Variants in PRKG1 observed in about 807,000 individuals in gnomAD.
PRKG1 encodes the protein cGMP-dependent protein kinase 1.
PRKG1 carries 35 observed loss-of-function variants against 88.1 expected under a neutral mutation model. The observed-to-expected ratio is 0.40, with a 90% confidence interval of 0.30 to 0.53. PRKG1 has a LOEUF of 0.53. PRKG1 is among the 20% of genes least tolerant of loss of function. The pLI is 0.59. For synonymous variants in PRKG1, 303 were observed against 292.5 expected, an observed-to-expected ratio of 1.04 and a Z score of -0.37; for missense variants, 540 against 839.8, an observed-to-expected ratio of 0.64 and a Z score of 4.41.
At chr10:51,111,723 T>C (rs1844983823) in intron 1 of PRKG1, among the ~76,000 whole-genome samples, 1 of 152,200 alleles carries the variant, frequency 6.6e-6, no homozygotes, top group Non-Finnish European at 1.5e-5. Flanking sequence ...AATTCTTTGT[T>C]TGATTCATTC....
At chr10:52,213,018 A>G (rs1840020175) in intron 9 of PRKG1, among the ~76,000 whole-genome samples, 5 of 152,272 alleles carry the variant, frequency 3.3e-5, no homozygotes, top group Admixed American at 3.3e-4. Context: ...TGCGTACATG[A>G]ATGTTTACAC....
At chr10:51,790,373 AT>A (rs1838839487) in intron 3 of PRKG1, among the ~76,000 whole-genome samples, 1 of 152,154 alleles carries the variant, frequency 6.6e-6, no homozygotes, top group Admixed American at 6.6e-5. Flanking sequence ...AATGGATTAT[AT>A]TTTAGGTGTC....
intron 4 of PRKG1, among the ~76,000 whole-genome samples, chr10:51,894,652 C>A (rs1476739685): frequency 1.3e-5 from 2 of 152,140 alleles, no homozygotes; most frequent in South Asian, 2.1e-4. Context: ...GGTTCGGAAA[C>A]AACTGGCCCA....
At chr10:51,007,822 G>A (rs563987301) in intron 1 of PRKG1, among the ~76,000 whole-genome samples, 1 of 152,326 alleles carries the variant, frequency 6.6e-6, no homozygotes, top group South Asian at 2.1e-4. Flanking sequence ...TAATGGGAAA[G>A]TAGGAAATAC....
At chr10:51,834,008 T>C (rs927344806) in intron 4 of PRKG1, among the ~76,000 whole-genome samples, 9 of 152,218 alleles carry the variant, frequency 5.9e-5, no homozygotes, top group African/African-American at 2.2e-4. Flanking sequence ...TCTAGGTTCA[T>C]TCAGGTCATC....
At chr10:52,229,046 G>T (rs1564524051) in intron 9 of PRKG1, among the ~76,000 whole-genome samples, 2 of 152,014 alleles carry the variant, frequency 1.3e-5, no homozygotes, top group East Asian at 3.9e-4. Context: ...TTGCAAATAT[G>T]CTTTGATGGA....
chr10:51,818,869 T>C (rs1320425094), intron 4 of PRKG1, among the ~76,000 whole-genome samples: 1 of 128,880 alleles, frequency 7.8e-6, no homozygotes, highest in Non-Finnish European at 1.5e-5. Flanking sequence ...TAGCCGGGCG[T>C]AGTGGTGGGC....
In PRKG1 at chr10:52,054,505, T is replaced by C. The variant is rs754729841; in HGVS notation, c.784T>C (p.Tyr262His). The change falls in exon 6 of 18, where the codon TAT becomes CAT. Residue 262 changes from tyrosine to histidine, a missense_variant. Around this residue, in one of 5 missense-constraint regions of PRKG1, gnomAD observed 400 missense variants for 562.7 expected, o/e 0.71. Transcript: ENST00000373980. Reference protein sequence around the residue: ...LEETHYENGEYIIRQGARGDT... With the variant: ...LEETHYENGEHIIRQGARGDT... Reference sequence around the variant, plus strand: ...TCAGACCCACTATGAAAATGGAGAATATATTATCAGGCAAGGTGCAAGAGG... The same window carrying C: ...TCAGACCCACTATGAAAATGGAGAACATATTATCAGGCAAGGTGCAAGAGG... The C allele has an allele frequency of 5.6e-6, 9 of 1,613,744 alleles. No homozygotes were observed. The highest frequency in any genetic ancestry group is 6.8e-6 in the Non-Finnish European group (8 of 1,179,782).
chr10:51,396,363 C>T (rs1837576405), intron 2 of PRKG1, among the ~76,000 whole-genome samples: 2 of 151,304 alleles, frequency 1.3e-5, no homozygotes, highest in South Asian at 4.2e-4. Context: ...AACTACATTC[C>T]AGCTTGGGCA....
In PRKG1 at chr10:51,531,080, A is replaced by C. The variant is rs966636755; in HGVS notation, c.592+63244A>C. ...GAAAAACATAGGTTAATAGCACAAA[A>C]TTGAAACCTCCATAATGGTTTTCAA... On this transcript the variant is annotated intron_variant, in intron 3 of 17. Transcript: ENST00000373980. 1.6e-4 allele frequency among the ~76,000 whole-genome samples: 24 copies of C among 152,302 alleles called. 1 individual carries two copies. Among genetic ancestry groups the C allele is most frequent in the East Asian group, 9.7e-4 (5 of 5,178 alleles).
At chr10:52,134,471 T>G (rs1053441077) in intron 8 of PRKG1, among the ~76,000 whole-genome samples, 4 of 152,126 alleles carry the variant, frequency 2.6e-5, no homozygotes, top group Non-Finnish European at 5.9e-5. Flanking sequence ...GTTTCTTCTC[T>G]CAGTTCTGGC....
chr10:51,506,143 C>A (rs1462030387), intron 3 of PRKG1, among the ~76,000 whole-genome samples: 1 of 152,076 alleles, frequency 6.6e-6, no homozygotes, highest in Non-Finnish European at 1.5e-5. Context: ...ACACCTTATA[C>A]AAAAATTAAT....
intron 3 of PRKG1, among the ~76,000 whole-genome samples, chr10:51,517,996 A>G (rs138953274): frequency 1.1e-4 from 16 of 152,164 alleles, no homozygotes; most frequent in Admixed American, 7.2e-4. Context: ...ACTTAACAGG[A>G]CCTGGAATCT....
chr10:51,960,165 A>G (rs1433537521), intron 5 of PRKG1, among the ~76,000 whole-genome samples: 2 of 151,808 alleles, frequency 1.3e-5, no homozygotes, highest in Non-Finnish European at 2.9e-5. Context: ...ACAAACAAAA[A>G]CATTGAAAAG....
intron 2 of PRKG1, among the ~76,000 whole-genome samples, chr10:51,365,211 T>TATC: frequency 6.6e-6 from 1 of 151,986 alleles, no homozygotes; most frequent in Non-Finnish European, 1.5e-5. Flanking sequence ...CTGTTGTCAC[T>TATC]ATCATCATCA....
chr10:51,959,412 T>C (rs1903955), intron 5 of PRKG1, among the ~76,000 whole-genome samples: 33,406 of 152,020 alleles, frequency 0.22, 4,222 homozygotes, highest in Admixed American at 0.29. Flanking sequence ...CTAATAATAT[T>C]GAGTACTGCT....
chr10:51,875,250 C>T (rs564883764), intron 4 of PRKG1, among the ~76,000 whole-genome samples: 31 of 151,612 alleles, frequency 2.0e-4, no homozygotes, highest in African/African-American at 4.4e-4. Flanking sequence ...TGGACAAATG[C>T]GCTTTATTAG....
chr10:51,395,327 T>C (rs996733988), intron 2 of PRKG1, among the ~76,000 whole-genome samples: 1 of 152,254 alleles, frequency 6.6e-6, no homozygotes, highest in Non-Finnish European at 1.5e-5. Context: ...CCTCATTGTC[T>C]AGGTTATTTC....
chr10:51,789,339 C>G (rs112997906), intron 3 of PRKG1, among the ~76,000 whole-genome samples: 135 of 152,296 alleles, frequency 8.9e-4, no homozygotes, highest in African/African-American at 3.1e-3. Context: ...TTGCCACAAA[C>G]TCTATCTCAG....
Sources: gnomAD v4.1 joint callset for allele counts (sites outside exome capture counted in the v4.1 genomes callset) on GRCh38, gnomAD v4.1.1 for gene constraint, gnomAD v4.1.1 regional missense constraint, MANE v1.5 for transcripts, NCBI Gene and HGNC (gene_info 2026-07-23, HGNC 2026-07-21) for gene names.